SLC35F4: variants seen among roughly 807,000 people sequenced by gnomAD.
The protein encoded by SLC35F4 is solute carrier family 35 member F4, also known as chromosome 14 open reading frame 36.
A neutral mutation model predicts 44.2 loss-of-function variants in SLC35F4; 24 were observed. The ratio of observed to expected loss-of-function variants is 0.54; its 90% CI spans 0.39 to 0.76. The LOEUF is 0.76. Among genes scored for constraint, SLC35F4 ranks in the 30% least tolerant of loss-of-function variants. SLC35F4 has a pLI of 0.00. For missense variants in SLC35F4, 562 were observed against 586.1 expected, an observed-to-expected ratio of 0.96 and a Z score of 0.42; for synonymous variants, 238 against 223.6, an observed-to-expected ratio of 1.06 and a Z score of -0.57.
chr14:57,720,991 T>TATATAA, intron 1 of SLC35F4, among the ~76,000 whole-genome samples: 1 of 117,356 alleles, frequency 8.5e-6, no homozygotes, highest in South Asian at 3.3e-4. Flanking sequence ...TATATATATA[T>TATATAA]ATATATATAT....
At chr14:57,962,444 C>G (rs1386432028) in intron 1 of SLC35F4, among the ~76,000 whole-genome samples, 1 of 152,182 alleles carries the variant, frequency 6.6e-6, no homozygotes. Context: ...GGCTGCGGCG[C>G]AGATTCTCGG....
At chr14:57,695,083 G>A (rs1229165238) in intron 1 of SLC35F4, among the ~76,000 whole-genome samples, 1 of 152,008 alleles carries the variant, frequency 6.6e-6, no homozygotes, top group Non-Finnish European at 1.5e-5. Flanking sequence ...GAAAACCTAG[G>A]CAATACCATT....
At chr14:57,855,340 GA>G (rs752625772) in intron 1 of SLC35F4, among the ~76,000 whole-genome samples, 10 of 148,748 alleles carry the variant, frequency 6.7e-5, no homozygotes, top group Non-Finnish European at 1.3e-4. Flanking sequence ...AAATTTACAA[GA>G]AAAAAAAACA....
chr14:57,768,171 A>G (rs1478127496), intron 1 of SLC35F4, among the ~76,000 whole-genome samples: 2 of 152,190 alleles, frequency 1.3e-5, no homozygotes, highest in African/African-American at 4.8e-5. Context: ...CCAACACGAG[A>G]TAAGACAATA....
chr14:57,639,583 C>A (rs1474891391), intron 1 of SLC35F4, among the ~76,000 whole-genome samples: 1 of 151,934 alleles, frequency 6.6e-6, no homozygotes, highest in African/African-American at 2.4e-5. Flanking sequence ...TAAAATATCT[C>A]AGAGTGAAGC....
At chr14:57,634,231 C>T (rs971144614) in intron 1 of SLC35F4, among the ~76,000 whole-genome samples, 1 of 152,060 alleles carries the variant, frequency 6.6e-6, no homozygotes, top group African/African-American at 2.4e-5. Flanking sequence ...TCACCTATCT[C>T]ATTAATAAAA....
chr14:57,635,424 GAC>G (rs2072979143), intron 1 of SLC35F4, among the ~76,000 whole-genome samples: 3 of 151,998 alleles, frequency 2.0e-5, no homozygotes, highest in Admixed American at 2.0e-4. Context: ...AGAAATATAT[GAC>G]ATCCAAGTGG....
At chr14:57,685,910 C>A (rs2075052813) in intron 1 of SLC35F4, among the ~76,000 whole-genome samples, 1 of 152,126 alleles carries the variant, frequency 6.6e-6, no homozygotes, top group Admixed American at 6.6e-5. Context: ...GCTTGGAAAC[C>A]AGATAACCAT....
At chr14:57,777,901 G>A (rs1414520927) in intron 1 of SLC35F4, among the ~76,000 whole-genome samples, 2 of 152,080 alleles carry the variant, frequency 1.3e-5, no homozygotes, top group African/African-American at 4.8e-5. Context: ...AAAAAGAGAT[G>A]GAGAAAAATC....
intron 1 of SLC35F4, among the ~76,000 whole-genome samples, chr14:57,616,738 GCCTCTCCTTGT>G (rs1468793946): frequency 1.3e-5 from 2 of 151,888 alleles, no homozygotes; most frequent in African/African-American, 4.8e-5. Flanking sequence ...TTGCTTCCCT[GCCTCTCCTTGT>G]CCATATAGTT....
At chr14:57,719,631 G>A (rs2076033293) in intron 1 of SLC35F4, among the ~76,000 whole-genome samples, 2 of 151,132 alleles carry the variant, frequency 1.3e-5, no homozygotes, top group South Asian at 4.2e-4. Flanking sequence ...TTGGCATAAA[G>A]AAATGCTACT....
chr14:57,976,928 C>T (rs529888207), exon 2 of SLC35F4: 8 of 152,238 alleles, frequency 5.3e-5, no homozygotes, highest in Admixed American at 5.2e-4. Context: ...CATTTGTCCA[C>T]CATATGGATA....
intron 1 of SLC35F4, among the ~76,000 whole-genome samples, chr14:57,785,346 G>T (rs923153842): frequency 1.2e-4 from 18 of 152,160 alleles, no homozygotes; most frequent in African/African-American, 4.3e-4. Flanking sequence ...GCCCTCCATT[G>T]CACGGCACCC....
chr14:57,820,289 G>A (rs7156635), intron 1 of SLC35F4, among the ~76,000 whole-genome samples: 73,181 of 152,002 alleles, frequency 0.48, 20,243 homozygotes, highest in African/African-American at 0.75. Flanking sequence ...ACATCTTTCA[G>A]TATATGCTTA....
At chr14:57,930,464 A>G (rs1198075062) in intron 1 of SLC35F4, among the ~76,000 whole-genome samples, 2 of 152,136 alleles carry the variant, frequency 1.3e-5, no homozygotes, top group South Asian at 2.1e-4. Flanking sequence ...TGGAAACACC[A>G]GGCATCATCC....
At chr14:57,573,336 A>G (rs2068610502) in intron 4 of SLC35F4, among the ~76,000 whole-genome samples, 1 of 152,214 alleles carries the variant, frequency 6.6e-6, no homozygotes, top group South Asian at 2.1e-4. Context: ...GTACTTGAGA[A>G]TAGACATAGA....
At chr14:57,699,787 A>G (rs549037047) in intron 1 of SLC35F4, among the ~76,000 whole-genome samples, 4 of 152,346 alleles carry the variant, frequency 2.6e-5, no homozygotes, top group African/African-American at 9.6e-5. Context: ...GGAACTAGAA[A>G]AATGAGGTCC....
intron 1 of SLC35F4, among the ~76,000 whole-genome samples, chr14:57,962,404 A>T (rs1344566826): frequency 1.3e-5 from 2 of 152,204 alleles, no homozygotes; most frequent in Non-Finnish European, 2.9e-5. Flanking sequence ...CCCTGTGAGC[A>T]GCCCTGGCAG....
At chr14:57,697,638 T>C (rs2075420232) in intron 1 of SLC35F4, among the ~76,000 whole-genome samples, 1 of 151,518 alleles carries the variant, frequency 6.6e-6, no homozygotes, top group East Asian at 1.9e-4. Context: ...GAAGCAGAGG[T>C]TGCAGTGAAC....
Sources: allele counts gnomAD v4.1 joint callset (sites outside exome capture counted in the v4.1 genomes callset), GRCh38; gene constraint gnomAD v4.1.1; transcripts MANE v1.5; gene names NCBI Gene and HGNC (gene_info 2026-07-23, HGNC 2026-07-21).